The following ALK variants were observed in gnomAD, a reference collection of about 807,000 sequenced individuals.
ALK encodes the protein ALK tyrosine kinase receptor.
In ALK, 74 loss-of-function variants were observed where a neutral mutation model predicts 163.1. That is an observed-to-expected ratio of 0.45 (90% CI 0.38 to 0.55). The LOEUF is 0.55. Ranked by LOEUF, ALK falls within the 20% of genes least tolerant of loss-of-function variation. The pLI is 0.00. For synonymous variants in ALK, 960 were observed against 843.2 expected, an observed-to-expected ratio of 1.14 and a Z score of -2.40; for missense variants, 2,063 against 2,105.3, an observed-to-expected ratio of 0.98 and a Z score of 0.39.
chr2:29,703,745 A>C (rs1678815955), intron 2 of ALK, among the ~76,000 whole-genome samples: 1 of 152,202 alleles, frequency 6.6e-6, no homozygotes, highest in African/African-American at 2.4e-5. Flanking sequence ...CATTGCCTTT[A>C]GGTGACATTT....
At chr2:29,505,823 T>G (rs72794473) in intron 4 of ALK, among the ~76,000 whole-genome samples, 7 of 121,280 alleles carry the variant, frequency 5.8e-5, no homozygotes, top group Non-Finnish European at 1.1e-4. Flanking sequence ...AAAAAAAAAG[T>G]CAGTTTGGTT....
chr2:29,193,141 T>C lies in ALK; in HGVS notation c.*83A>G. 7.0e-7 allele frequency: 1 copy of C among 1,432,780 alleles called. No homozygotes were observed. The highest frequency in any genetic ancestry group is 9.7e-7 in the Non-Finnish European group (1 of 1,031,032). 88.8% of individuals were successfully genotyped at this position (1,432,780 alleles called of 1,614,324 possible). ...ACAAAACAAAACGTGACATTTGGTC[T>C]CTGGTTTGTGAAGGAGCCATTGCCT... On this transcript the variant is annotated 3_prime_UTR_variant, in exon 29 of 29. Coordinates refer to ENST00000389048, the MANE Select transcript of ALK (RefSeq NM_004304.5).
At chr2:29,534,449 C>A (rs1485726603) in intron 3 of ALK, among the ~76,000 whole-genome samples, 1 of 152,126 alleles carries the variant, frequency 6.6e-6, no homozygotes, top group African/African-American at 2.4e-5. Context: ...GAGTCTTGCT[C>A]CAGACTCTTT....
At chr2:29,410,242 T>C (rs931508425) in intron 4 of ALK, among the ~76,000 whole-genome samples, 1 of 152,138 alleles carries the variant, frequency 6.6e-6, no homozygotes, top group African/African-American at 2.4e-5. Flanking sequence ...CTATTCAAAG[T>C]CACTCCTCTG....
chr2:29,759,731 C>T (rs1029966920), intron 1 of ALK, among the ~76,000 whole-genome samples: 1 of 152,168 alleles, frequency 6.6e-6, no homozygotes, highest in South Asian at 2.1e-4. Flanking sequence ...CAGCGAAACC[C>T]AGTAGTGATA....
At chr2:29,314,249 G>A (rs10186913) in intron 8 of ALK, among the ~76,000 whole-genome samples, 11,355 of 152,186 alleles carry the variant, frequency 0.075, 472 homozygotes, top group African/African-American at 0.088. Flanking sequence ...GGGCCATGGC[G>A]TCTTCTCACA....
At chr2:29,819,836 A>G (rs1215834167) in intron 1 of ALK, among the ~76,000 whole-genome samples, 1 of 152,196 alleles carries the variant, frequency 6.6e-6, no homozygotes, top group African/African-American at 2.4e-5. Context: ...GCCTTCCACC[A>G]TCCACATTCC....
intron 23 of ALK, among the ~76,000 whole-genome samples, chr2:29,215,619 T>C (rs577146972): frequency 6.6e-6 from 1 of 152,154 alleles, no homozygotes; most frequent in African/African-American, 2.4e-5. Context: ...GCTTTAAGGA[T>C]CTGGGTTGGG....
intron 4 of ALK, among the ~76,000 whole-genome samples, chr2:29,479,664 G>T (rs757441275): frequency 2.6e-5 from 4 of 152,116 alleles, no homozygotes; most frequent in Non-Finnish European, 4.4e-5. Flanking sequence ...GCCTTCTCTA[G>T]TCACAGGCAA....
chr2:29,599,596 C>A (rs1474545321), intron 3 of ALK, among the ~76,000 whole-genome samples: 1 of 152,156 alleles, frequency 6.6e-6, no homozygotes, highest in African/African-American at 2.4e-5. Context: ...CTGCCTGGAC[C>A]AGAAGGGAAG....
Position 29,634,131 on chromosome 2 carries a change from C to T in ALK, c.952+60719G>A, listed in dbSNP as rs146780724. Among the ~76,000 whole-genome samples, 282 of 147,576 alleles carry T rather than the reference C, an allele frequency of 1.9e-3. 2 individuals carry two copies. The East Asian group carries it at 0.05, about 26-fold the overall frequency. On this transcript the variant is annotated intron_variant, in intron 3 of 28. Coordinates refer to ENST00000389048, the MANE Select transcript of ALK (RefSeq NM_004304.5). ...GACTGGTGCACATTTTTTTTTTTCG[C>T]TCTGTCACCCAGGCTGGAGTGCAGT...
At chr2:29,834,616 T>C (rs932321003) in intron 1 of ALK, among the ~76,000 whole-genome samples, 2 of 152,118 alleles carry the variant, frequency 1.3e-5, no homozygotes, top group South Asian at 4.2e-4. Flanking sequence ...AAAACTGAGA[T>C]TGCAATAGGA....
intron 11 of ALK, among the ~76,000 whole-genome samples, chr2:29,259,671 T>C (rs967454067): frequency 6.6e-6 from 1 of 152,126 alleles, no homozygotes; most frequent in Non-Finnish European, 1.5e-5. Context: ...CCAAAGTAAT[T>C]TTTTTCTTTC....
At chr2:29,741,857 A>G (rs1487210104) in intron 1 of ALK, among the ~76,000 whole-genome samples, 1 of 152,208 alleles carries the variant, frequency 6.6e-6, no homozygotes, top group Non-Finnish European at 1.5e-5. Context: ...AAAGGCTGGC[A>G]GTTACGTGAC....
rs368661124 is a variant in ALK, at chr2:29,523,727, C to G, written c.1154+8188G>C. Among the ~76,000 whole-genome samples the G allele has an allele frequency of 1.2e-4, 18 of 152,258 alleles. 1 individual carries two copies. Among genetic ancestry groups the G allele is most frequent in the African/African-American group, 4.3e-4 (18 of 41,546 alleles). The stretch of plus-strand genomic sequence containing the variant: ...CGGGGTTACAGGTATTCACAGTTCT[C>G]TCATCGTCCTGGTGTTCAATCCATC... On this transcript the variant is annotated intron_variant, in intron 4 of 28. Coordinates refer to ENST00000389048, the MANE Select transcript of ALK (RefSeq NM_004304.5).
chr2:29,385,389 T>G (rs559917476), intron 4 of ALK, among the ~76,000 whole-genome samples: 1 of 151,478 alleles, frequency 6.6e-6, no homozygotes, highest in African/African-American at 2.4e-5. Context: ...GTTGTTTTTT[T>G]TTTTTTTTTT....
At chr2:29,452,004 A>G (rs1173183079) in intron 4 of ALK, among the ~76,000 whole-genome samples, 2 of 152,206 alleles carry the variant, frequency 1.3e-5, no homozygotes, top group Admixed American at 6.5e-5. Context: ...ATTTGATTTC[A>G]ATCAATAACA....
Position 29,285,376 on chromosome 2 carries a change from C to T in ALK, c.1818-9880G>A, listed in dbSNP as rs148807387. On this transcript the variant is annotated intron_variant, in intron 9 of 28. Coordinates refer to ENST00000389048, the MANE Select transcript of ALK (RefSeq NM_004304.5). ...GTTCAATTCTTGTGCCTTAGCTTCC[C>T]GAGTAGCTGGGATTACAGGTACGCC... 4.6e-5 allele frequency among the ~76,000 whole-genome samples: 7 copies of T among 152,176 alleles called. No homozygotes were observed. In the South Asian group the frequency reaches 8.3e-4, roughly 18 times the overall value.
chr2:29,899,887 T>G (rs1667368570), intron 1 of ALK, among the ~76,000 whole-genome samples: 1 of 152,120 alleles, frequency 6.6e-6, no homozygotes, highest in Admixed American at 6.5e-5. Flanking sequence ...CCTTGATTGT[T>G]GAGCTACTCT....
Sources: gnomAD v4.1 joint callset for allele counts (sites outside exome capture counted in the v4.1 genomes callset) on GRCh38, gnomAD v4.1.1 for gene constraint, MANE v1.5 for transcripts, NCBI Gene and HGNC (gene_info 2026-07-23, HGNC 2026-07-21) for gene names.